The following WWOX variants were observed in gnomAD, a reference collection of about 807,000 sequenced individuals.
WWOX encodes the protein WW domain-containing oxidoreductase.
Under a neutral mutation model 46.2 loss-of-function variants are expected in WWOX, and 69 were observed. That is an observed-to-expected ratio of 1.49 (90% CI 1.23 to 1.82). The LOEUF (loss-of-function observed/expected upper bound fraction) is 1.82. Ranked by LOEUF, WWOX falls within the 40% of genes most tolerant of loss-of-function variation. WWOX has a pLI of 0.00. For synonymous variants in WWOX, 359 were observed against 202.6 expected (o/e 1.77, Z -6.56); for missense variants, 919 against 542.6 (o/e 1.69, Z -6.89).
intron 8 of WWOX, among the ~76,000 whole-genome samples, chr16:78,644,617 A>G (rs2046797735): frequency 6.6e-6 from 1 of 152,028 alleles, no homozygotes; most frequent in Non-Finnish European, 1.5e-5. Context: ...GCCTGCCACC[A>G]CGCCTGGCTA....
intron 8 of WWOX, among the ~76,000 whole-genome samples, chr16:79,093,807 C>A (rs1227143477): frequency 6.6e-6 from 1 of 152,186 alleles, no homozygotes; most frequent in African/African-American, 2.4e-5. Flanking sequence ...CCCTGCCCTT[C>A]GACACAGAGT....
intron 6 of WWOX, among the ~76,000 whole-genome samples, chr16:78,409,660 C>T (rs1287501015): frequency 1.3e-5 from 2 of 152,186 alleles, no homozygotes; most frequent in Non-Finnish European, 2.9e-5. Flanking sequence ...TATTATCTGA[C>T]AGCTCTGTAG....
At chr16:78,420,818 T>C (rs1264295499) in intron 6 of WWOX, among the ~76,000 whole-genome samples, 1 of 152,146 alleles carries the variant, frequency 6.6e-6, no homozygotes, top group Non-Finnish European at 1.5e-5. Flanking sequence ...CTAATGCTTA[T>C]TGTAGAAAAG....
chr16:78,179,807 G>T (rs1486440275), intron 5 of WWOX: 2 of 152,248 alleles, frequency 1.3e-5, no homozygotes, highest in Non-Finnish European at 2.9e-5. Context: ...TAGGGATGTG[G>T]AAGCCTTGCT....
intron 8 of WWOX, chr16:79,196,495 G>A (rs1380351914): frequency 6.6e-6 from 1 of 152,082 alleles, no homozygotes; most frequent in African/African-American, 2.4e-5. Context: ...TGTGATGTTG[G>A]GCAAAAGGAG....
At chr16:78,749,440 C>A (rs189019492) in intron 8 of WWOX, among the ~76,000 whole-genome samples, 5 of 152,086 alleles carry the variant, frequency 3.3e-5, no homozygotes, top group Admixed American at 3.3e-4. Context: ...GAGAGAGACC[C>A]AAAATAGTCA....
intron 8 of WWOX, among the ~76,000 whole-genome samples, chr16:79,062,576 CAG>C (rs1322904953): frequency 6.6e-6 from 1 of 152,038 alleles, no homozygotes; most frequent in Non-Finnish European, 1.5e-5. Flanking sequence ...TATAAAACAG[CAG>C]GGGTGGAGAG....
At chr16:78,636,568 C>G (rs900857959) in intron 8 of WWOX, among the ~76,000 whole-genome samples, 1 of 152,112 alleles carries the variant, frequency 6.6e-6, no homozygotes, top group East Asian at 1.9e-4. Context: ...AGTCCTTTTG[C>G]TTACTAGTAA....
chr16:78,803,604 T>C (rs2050952616), intron 8 of WWOX, among the ~76,000 whole-genome samples: 2 of 152,056 alleles, frequency 1.3e-5, no homozygotes, highest in African/African-American at 4.8e-5. Flanking sequence ...TATACCACCA[T>C]ACCTGGACAT....
chr16:78,944,228 C>T (rs1398206911), intron 8 of WWOX, among the ~76,000 whole-genome samples: 1 of 152,076 alleles, frequency 6.6e-6, no homozygotes, highest in Non-Finnish European at 1.5e-5. Context: ...CCTCCCTTTC[C>T]AGATAAAAGT....
intron 5 of WWOX, among the ~76,000 whole-genome samples, chr16:78,271,233 C>G (rs182282322): frequency 5.3e-5 from 8 of 152,198 alleles, no homozygotes; most frequent in Non-Finnish European, 8.8e-5. Context: ...TGGTTTTTTT[C>G]GTCCACCTGA....
At chr16:78,102,870 G>C (rs752103678) in intron 1 of WWOX, among the ~76,000 whole-genome samples, 3 of 152,142 alleles carry the variant, frequency 2.0e-5, no homozygotes, top group African/African-American at 7.2e-5. Flanking sequence ...AGGGTCAGCC[G>C]CAGGCTTCTG....
At chr16:78,197,417 C>G (rs1015439603) in intron 5 of WWOX, among the ~76,000 whole-genome samples, 3 of 152,204 alleles carry the variant, frequency 2.0e-5, no homozygotes, top group Admixed American at 6.5e-5. Flanking sequence ...CAGAATTCAG[C>G]TAATTACCTA....
chr16:78,859,050 GTATATATATATATATATA>G (rs1163926433), intron 8 of WWOX, among the ~76,000 whole-genome samples: 5 of 40,840 alleles, frequency 1.2e-4, no homozygotes, highest in Non-Finnish European at 2.1e-4. Flanking sequence ...ATATATATAT[GTATATATATATATATATA>G]TATATGAAAA....
chr16:78,301,760 A>G (rs1179453114), intron 5 of WWOX, among the ~76,000 whole-genome samples: 1 of 152,142 alleles, frequency 6.6e-6, no homozygotes, highest in Non-Finnish European at 1.5e-5. Flanking sequence ...TGGTTCAACT[A>G]CAGCACAGAT....
chr16:78,944,680 G>A (rs951345779), intron 8 of WWOX, among the ~76,000 whole-genome samples: 7 of 152,110 alleles, frequency 4.6e-5, no homozygotes, highest in African/African-American at 1.7e-4. Flanking sequence ...AGCATGTGGG[G>A]AATGCAAGTC....
At chr16:79,156,949 A>G (rs180795349) in intron 8 of WWOX, among the ~76,000 whole-genome samples, 84 of 152,358 alleles carry the variant, frequency 5.5e-4, no homozygotes, top group Admixed American at 1.2e-3. Flanking sequence ...TCATCAGAAG[A>G]ATGAGGTTCT....
intron 5 of WWOX, among the ~76,000 whole-genome samples, chr16:78,366,939 G>A (rs1341597344): frequency 6.8e-6 from 1 of 146,074 alleles, no homozygotes; most frequent in African/African-American, 2.5e-5. Context: ...GAAATTAGCT[G>A]GGGTTTTTTT....
At chr16:78,677,735 C>T (rs932242846) in intron 8 of WWOX, among the ~76,000 whole-genome samples, 3 of 152,164 alleles carry the variant, frequency 2.0e-5, no homozygotes, top group Admixed American at 6.5e-5. Context: ...CTGCCTGGCA[C>T]ATAGGATATG....
Sources: allele counts gnomAD v4.1 joint callset (sites outside exome capture counted in the v4.1 genomes callset), GRCh38; gene constraint gnomAD v4.1.1; transcripts MANE v1.5; gene names NCBI Gene and HGNC (gene_info 2026-07-23, HGNC 2026-07-21).